Variants in PALM2AKAP2 observed in about 807,000 individuals in gnomAD.
The protein encoded by PALM2AKAP2 is PALM2-AKAP2 fusion protein.
PALM2AKAP2 carries 37 observed loss-of-function variants against 71.5 expected under a neutral mutation model. That is an observed-to-expected ratio of 0.52 (90% CI 0.40 to 0.68). PALM2AKAP2 has a LOEUF of 0.68. PALM2AKAP2 is among the 30% of genes least tolerant of loss of function. The pLI is 0.00. For synonymous variants in PALM2AKAP2, 468 were observed against 478.8 expected, an observed-to-expected ratio of 0.98 and a Z score of 0.29; for missense variants, 1,224 against 1,191.8, an observed-to-expected ratio of 1.03 and a Z score of -0.40.
chr9:109,952,065 A>G (rs1771343352), intron 6 of PALM2AKAP2, among the ~76,000 whole-genome samples: 1 of 152,230 alleles, frequency 6.6e-6, no homozygotes, highest in Admixed American at 6.5e-5. Flanking sequence ...GGGTCAGCAT[A>G]GTTTTTCAAT....
chr9:110,064,115 T>A (rs1361366259), intron 1 of PALM2AKAP2, among the ~76,000 whole-genome samples: 1 of 152,134 alleles, frequency 6.6e-6, no homozygotes, highest in Non-Finnish European at 1.5e-5. Flanking sequence ...TTGCAAATCT[T>A]GTTGATGGCT....
intron 1 of PALM2AKAP2, among the ~76,000 whole-genome samples, chr9:110,074,627 C>T (rs1033595862): frequency 2.6e-5 from 4 of 152,118 alleles, no homozygotes; most frequent in Non-Finnish European, 5.9e-5. Context: ...TCCAATAGTT[C>T]ACAAAAAAAT....
At chr9:109,954,504 G>A (rs370793930) in intron 6 of PALM2AKAP2, among the ~76,000 whole-genome samples, 5 of 126,754 alleles carry the variant, frequency 3.9e-5, no homozygotes, top group African/African-American at 1.2e-4. Flanking sequence ...TCTGGGGACT[G>A]TAGTGGGGTG....
chr9:109,732,990 A>G (rs1405490091), intron 1 of PALM2AKAP2, among the ~76,000 whole-genome samples: 1 of 152,128 alleles, frequency 6.6e-6, no homozygotes, highest in Non-Finnish European at 1.5e-5. Flanking sequence ...GTAAGAAGTG[A>G]GTTCTGAGAG....
intron 1 of PALM2AKAP2, among the ~76,000 whole-genome samples, chr9:109,714,903 A>G (rs1174128855): frequency 1.3e-5 from 2 of 152,166 alleles, no homozygotes; most frequent in Non-Finnish European, 2.9e-5. Context: ...GAGAGTTCCC[A>G]TGGGATGGGC....
chr9:109,768,229 A>G (rs1564140615), intron 1 of PALM2AKAP2, among the ~76,000 whole-genome samples: 1 of 151,536 alleles, frequency 6.6e-6, no homozygotes, highest in Non-Finnish European at 1.5e-5. Flanking sequence ...GGAAAGAAGG[A>G]AGGAAGGATG....
At chr9:110,057,805 A>G (rs145037490) in intron 1 of PALM2AKAP2, among the ~76,000 whole-genome samples, 30 of 152,346 alleles carry the variant, frequency 2.0e-4, no homozygotes, top group African/African-American at 7.0e-4. Flanking sequence ...TCCCAGACCT[A>G]CTTAATCAGA....
intron 1 of PALM2AKAP2, among the ~76,000 whole-genome samples, chr9:110,113,593 G>A (rs1057481374): frequency 1.3e-5 from 2 of 151,148 alleles, no homozygotes; most frequent in South Asian, 2.1e-4. Flanking sequence ...GCACAATCTC[G>A]GCTCACTGCA....
chr9:109,895,707 A>G (rs1426289444), intron 3 of PALM2AKAP2, among the ~76,000 whole-genome samples: 3 of 152,180 alleles, frequency 2.0e-5, no homozygotes, highest in Non-Finnish European at 4.4e-5. Flanking sequence ...ACAATATTGT[A>G]TTTAAGTCTG....
chr9:109,830,178 G>A (rs988467326), intron 1 of PALM2AKAP2, among the ~76,000 whole-genome samples: 11 of 152,316 alleles, frequency 7.2e-5, no homozygotes, highest in Admixed American at 2.6e-4. Context: ...TGGACTCTTT[G>A]TGAGACAGTG....
intron 6 of PALM2AKAP2, among the ~76,000 whole-genome samples, chr9:110,012,534 A>C (rs143842384): frequency 3.3e-5 from 5 of 152,274 alleles, no homozygotes; most frequent in African/African-American, 9.6e-5. Context: ...CTAGCTTTTA[A>C]AATAACATTT....
chr9:110,156,559 C>T, intron 3 of PALM2AKAP2, 62 bp downstream of exon 9: 1 of 1,495,754 alleles, frequency 6.7e-7, no homozygotes, highest in Non-Finnish European at 9.0e-7. Context: ...TGGCGTGTGG[C>T]ATTCCAGTTC....
At chr9:109,696,337 T>C (rs1432378686) in intron 1 of PALM2AKAP2, among the ~76,000 whole-genome samples, 3 of 152,164 alleles carry the variant, frequency 2.0e-5, no homozygotes, top group Non-Finnish European at 4.4e-5. Context: ...TTAAAACATA[T>C]TGAAAAATAT....
intron 3 of PALM2AKAP2, among the ~76,000 whole-genome samples, chr9:109,910,589 T>A (rs1830546433): frequency 6.6e-6 from 1 of 152,190 alleles, no homozygotes; most frequent in Non-Finnish European, 1.5e-5. Flanking sequence ...AATATGTTTT[T>A]AAAAACGAAG....
At chr9:110,090,328 C>CTGTAGGCACAGTGGGTTCTGAAGATCAGA in intron 1 of PALM2AKAP2, 1 of 456,538 alleles carries the variant, frequency 2.2e-6, no homozygotes, top group Non-Finnish European at 4.4e-6. Context: ...TGGGACGAAG[C>CTGTAGGCACAGTGGGTTCTGAAGATCAGA]TGTAGGCACA....
At chr9:109,967,165 T>A (rs909058582) in intron 6 of PALM2AKAP2, among the ~76,000 whole-genome samples, 5 of 152,178 alleles carry the variant, frequency 3.3e-5, no homozygotes, top group African/African-American at 1.2e-4. Context: ...TGGTAGATGC[T>A]GGCTGGCTGT....
chr9:110,150,105 C>T (rs1400853252), intron 2 of PALM2AKAP2, among the ~76,000 whole-genome samples: 1 of 152,172 alleles, frequency 6.6e-6, no homozygotes, highest in African/African-American at 2.4e-5. Flanking sequence ...AGGATCAATG[C>T]CCTTGTAAGA....
intron 1 of PALM2AKAP2, among the ~76,000 whole-genome samples, chr9:110,083,216 C>T (rs1044987080): frequency 3.9e-5 from 6 of 152,118 alleles, no homozygotes; most frequent in Non-Finnish European, 5.9e-5. Flanking sequence ...AGCAGCCACC[C>T]TTCTACTTTC....
chr9:109,855,423 A>G (rs1346208424), intron 1 of PALM2AKAP2, among the ~76,000 whole-genome samples: 4 of 152,184 alleles, frequency 2.6e-5, no homozygotes, highest in African/African-American at 9.7e-5. Flanking sequence ...ATTTTCAGTC[A>G]TTCATTATCA....
Sources: gnomAD v4.1 joint callset for allele counts (sites outside exome capture counted in the v4.1 genomes callset) on GRCh38, gnomAD v4.1.1 for gene constraint, MANE v1.5 for transcripts, NCBI Gene and HGNC (gene_info 2026-07-23, HGNC 2026-07-21) for gene names.